Variants in TNPO1 observed in about 807,000 individuals in gnomAD.
TNPO1 encodes transportin 1.
In TNPO1, 8 loss-of-function variants were observed where a neutral mutation model predicts 119.5. That is an observed-to-expected ratio of 0.07 (90% CI 0.04 to 0.12). The LOEUF is 0.12. Ranked by LOEUF, TNPO1 falls within the 10% of genes least tolerant of loss-of-function variation. The pLI, the probability that TNPO1 is intolerant of heterozygous loss-of-function variation, is 1.00. For missense variants in TNPO1, 576 were observed against 1,089.8 expected (o/e 0.53, Z 6.64); for synonymous variants, 362 against 363.0 (o/e 1.00, Z 0.03).
intron 1 of TNPO1, among the ~76,000 whole-genome samples, chr5:72,842,185 C>G (rs1744944744): frequency 6.6e-6 from 1 of 152,072 alleles, no homozygotes; most frequent in African/African-American, 2.4e-5. Context: ...TTACTTTTCT[C>G]TTTTACCTCA....
At chr5:72,819,121 A>G (rs1743831339) in intron 1 of TNPO1, among the ~76,000 whole-genome samples, 1 of 152,190 alleles carries the variant, frequency 6.6e-6, no homozygotes, top group Non-Finnish European at 1.5e-5. Flanking sequence ...GGGAAGTATA[A>G]GAAGCAAGGC....
At chr5:72,858,413 G>A (rs1298738596) in intron 4 of TNPO1, among the ~76,000 whole-genome samples, 5 of 152,038 alleles carry the variant, frequency 3.3e-5, no homozygotes, top group Non-Finnish European at 7.4e-5. Context: ...AAATGAGTTC[G>A]TTTTTGTCCC....
intron 15 of TNPO1, among the ~76,000 whole-genome samples, chr5:72,892,874 C>CATAAT (rs1475180071): frequency 6.6e-6 from 1 of 151,714 alleles, no homozygotes; most frequent in African/African-American, 2.4e-5. Flanking sequence ...AATATGAACA[C>CATAAT]ATAATACTCA....
rs1395587760 is a variant in TNPO1, at chr5:72,912,471, T to C, written c.*3798T>C. ...GTTTTATCTCAGGTGAATACTCTTG[T>C]ATTGTTTTTGCTTTGGTGACATGCT... On this transcript the variant is annotated 3_prime_UTR_variant, in exon 25 of 25. Coordinates refer to ENST00000337273, the MANE Select transcript of TNPO1 (RefSeq NM_002270.4). 1 of 152,566 alleles carries C rather than the reference T, an allele frequency of 6.6e-6. No individual in the cohort carries two copies. Among genetic ancestry groups the C allele is most frequent in the Non-Finnish European group, 1.5e-5 (1 of 67,946 alleles). 9.5% of individuals were successfully genotyped at this position (152,566 alleles called of 1,614,324 possible). A position where few individuals can be genotyped will look rare whatever the true frequency, so the allele number is the denominator to read the frequency against.
intron 7 of TNPO1, among the ~76,000 whole-genome samples, chr5:72,874,037 T>C (rs921088384): frequency 6.6e-6 from 1 of 152,108 alleles, no homozygotes; most frequent in African/African-American, 2.4e-5. Context: ...ATAAATGAAA[T>C]TGAATTATCT....
intron 3 of TNPO1, among the ~76,000 whole-genome samples, chr5:72,852,958 T>G (rs930655818): frequency 6.6e-6 from 1 of 152,258 alleles, no homozygotes; most frequent in Non-Finnish European, 1.5e-5. Flanking sequence ...TATACTAAGA[T>G]ATTTATAAAT....
chr5:72,886,580 G>A (rs1748650360), intron 11 of TNPO1, among the ~76,000 whole-genome samples: 1 of 152,122 alleles, frequency 6.6e-6, no homozygotes, highest in Admixed American at 6.6e-5. Context: ...GTAAGTTCTT[G>A]TCATAAAAAA....
chr5:72,842,586 C>T (rs1744961688), intron 1 of TNPO1, among the ~76,000 whole-genome samples: 1 of 152,192 alleles, frequency 6.6e-6, no homozygotes, highest in Non-Finnish European at 1.5e-5. Context: ...CTCTGTGAAA[C>T]AGGACTGCCC....
At chr5:72,892,722 A>G (rs1749154156) in intron 15 of TNPO1, among the ~76,000 whole-genome samples, 1 of 152,138 alleles carries the variant, frequency 6.6e-6, no homozygotes. Flanking sequence ...TTTTGATTCA[A>G]GATTGGTTGA....
intron 23 of TNPO1, 58 bp from the exon 24 acceptor site, chr5:72,905,245 A>C: frequency 7.9e-7 from 1 of 1,260,950 alleles, no homozygotes; most frequent in South Asian, 1.3e-5. Flanking sequence ...TTCAGAAGCT[A>C]TGCTGATCTG....
intron 4 of TNPO1, among the ~76,000 whole-genome samples, chr5:72,858,787 G>A (rs1255317061): frequency 6.6e-6 from 1 of 151,894 alleles, no homozygotes; most frequent in East Asian, 1.9e-4. Flanking sequence ...CAGTGAGCCA[G>A]GATCGCGCCA....
chr5:72,879,528 T>C (rs1234664760), intron 9 of TNPO1, among the ~76,000 whole-genome samples: 2 of 152,188 alleles, frequency 1.3e-5, no homozygotes, highest in African/African-American at 4.8e-5. Context: ...TTTACTTATG[T>C]CTTCCCTACT....
Position 72,895,444 on chromosome 5 carries a change from C to A in TNPO1, c.2144-1014C>A, listed in dbSNP as rs376918993. 1.2e-4 allele frequency among the ~76,000 whole-genome samples: 18 copies of A among 151,784 alleles called. No individual in the cohort carries two copies. In the East Asian group the frequency reaches 2.9e-3, roughly 25 times the overall value. On this transcript the variant is annotated intron_variant, in intron 18 of 24. Transcript: ENST00000337273. ...AATTTTGCCATTCGGGGAACATTTG[C>A]CAGTGTCTGGAGACATTTTGTTTGA...
intron 6 of TNPO1, 27 bp downstream of exon 6, chr5:72,865,756 T>G: frequency 1.3e-6 from 2 of 1,598,454 alleles, no homozygotes; most frequent in Non-Finnish European, 1.7e-6. Context: ...TACTAATTGA[T>G]TAACTGTGAT....
intron 24 of TNPO1, among the ~76,000 whole-genome samples, chr5:72,906,250 C>T (rs1750135498): frequency 7.7e-6 from 1 of 129,054 alleles, no homozygotes; most frequent in Non-Finnish European, 1.6e-5. Context: ...TGAGTACCTA[C>T]CATGTGCCCA....
At chr5:72,841,880 TAA>T (rs973619164) in intron 1 of TNPO1, among the ~76,000 whole-genome samples, 2 of 143,338 alleles carry the variant, frequency 1.4e-5, no homozygotes, top group Non-Finnish European at 1.5e-5. Context: ...CATTTTTCTG[TAA>T]AAAAAAAAAA....
chr5:72,852,623 A>G (rs1745672543), intron 3 of TNPO1, among the ~76,000 whole-genome samples: 1 of 152,198 alleles, frequency 6.6e-6, no homozygotes, highest in South Asian at 2.1e-4. Flanking sequence ...GGTTTAGACA[A>G]CCAGACCATC....
At chr5:72,835,676 A>G (rs1170053198) in intron 1 of TNPO1, among the ~76,000 whole-genome samples, 1 of 152,220 alleles carries the variant, frequency 6.6e-6, no homozygotes. Flanking sequence ...TTTTGGTAGG[A>G]CACATTCAAA....
At chr5:72,840,034 G>A (rs1356314266) in intron 1 of TNPO1, among the ~76,000 whole-genome samples, 1 of 152,182 alleles carries the variant, frequency 6.6e-6, no homozygotes, top group Non-Finnish European at 1.5e-5. Flanking sequence ...TATCATATCT[G>A]AAGTGATTGA....
Sources: allele counts gnomAD v4.1 joint callset (sites outside exome capture counted in the v4.1 genomes callset), GRCh38; gene constraint gnomAD v4.1.1; transcripts MANE v1.5; gene names NCBI Gene and HGNC (gene_info 2026-07-23, HGNC 2026-07-21).